LAMA3: variants seen among roughly 807,000 people sequenced by gnomAD.
LAMA3 encodes laminin subunit alpha 3, also known as laminin subunit alpha-3.
Under a neutral mutation model 402.0 loss-of-function variants are expected in LAMA3, and 281 were observed. That is an observed-to-expected ratio of 0.70 (90% CI 0.63 to 0.77). LAMA3 has a LOEUF of 0.77. LAMA3 is among the 30% of genes least tolerant of loss of function. The pLI is 0.00. For synonymous variants in LAMA3, 1,431 were observed against 1,558.4 expected (o/e 0.92, Z 1.93); for missense variants, 3,840 against 4,215.5 (o/e 0.91, Z 2.47).
At chr18:23,838,950 T>A in intron 26 of LAMA3, 72 bp downstream of exon 26, 1 of 913,868 alleles carries the variant, frequency 1.1e-6, no homozygotes, top group South Asian at 1.3e-5. Flanking sequence ...GCTGAAACTT[T>A]ATACTCAACG....
intron 14 of LAMA3, among the ~76,000 whole-genome samples, chr18:23,813,943 A>T (rs1161425925): frequency 6.6e-6 from 1 of 152,214 alleles, no homozygotes; most frequent in Non-Finnish European, 1.5e-5. Flanking sequence ...GGAGTGAAAG[A>T]GGTTCTGCCA....
intron 2 of LAMA3, among the ~76,000 whole-genome samples, chr18:23,733,364 G>A (rs1390017511): frequency 2.6e-5 from 4 of 152,184 alleles, no homozygotes; most frequent in African/African-American, 9.7e-5. Context: ...TGGCTAGGGA[G>A]ACCTCACAAT....
chr18:23,809,968 A>G (rs1418284244), intron 12 of LAMA3, among the ~76,000 whole-genome samples: 1 of 152,212 alleles, frequency 6.6e-6, no homozygotes, highest in Middle Eastern at 3.4e-3. Context: ...TCCTCCTCCT[A>G]CAAATACTGG....
chr18:23,823,130 T>A (rs1261362967), intron 20 of LAMA3, among the ~76,000 whole-genome samples: 1 of 152,184 alleles, frequency 6.6e-6, no homozygotes, highest in East Asian at 1.9e-4. Flanking sequence ...CATTTCCGAG[T>A]TGTGTCAACC....
intron 35 of LAMA3, among the ~76,000 whole-genome samples, chr18:23,862,043 C>T (rs1195766957): frequency 2.6e-5 from 4 of 152,222 alleles, no homozygotes; most frequent in Admixed American, 2.0e-4. Flanking sequence ...AAATCACCCA[C>T]AATGTTTTTC....
At chr18:23,782,148 A>G (rs2062449741) in intron 11 of LAMA3, among the ~76,000 whole-genome samples, 1 of 152,258 alleles carries the variant, frequency 6.6e-6, no homozygotes, top group Admixed American at 6.5e-5. Flanking sequence ...TCCAAAATGC[A>G]TGAGACTTTC....
chr18:23,789,968 A>G (rs1039780152), intron 12 of LAMA3, among the ~76,000 whole-genome samples: 11 of 152,228 alleles, frequency 7.2e-5, no homozygotes, highest in African/African-American at 2.7e-4. Flanking sequence ...TTATGTTTTT[A>G]TAGTGATGAT....
intron 1 of LAMA3, chr18:23,710,262 G>T: frequency 1.8e-6 from 1 of 566,448 alleles, no homozygotes; most frequent in South Asian, 1.9e-5. Context: ...AGGGACAGGA[G>T]CTTCCTTCTT....
chr18:23,698,161 G>A (rs1210806279), intron 1 of LAMA3, among the ~76,000 whole-genome samples: 5 of 140,474 alleles, frequency 3.6e-5, no homozygotes, highest in Admixed American at 3.6e-4. Flanking sequence ...GTGGTGGGGG[G>A]AAATGGAACA....
chr18:23,779,875 C>A (rs1598776760), intron 11 of LAMA3, among the ~76,000 whole-genome samples: 1 of 152,104 alleles, frequency 6.6e-6, no homozygotes, highest in Non-Finnish European at 1.5e-5. Context: ...TCTGCCCTAC[C>A]CACACTCCTC....
Position 23,839,960 on chromosome 18 carries a change from C to CA in LAMA3, c.3336+34dup. ...GTGCTGTTTCTAAACCAGTGGTTCT[C>CA]AAAGTATGACCTCTGAAGCAGCAGC... On this transcript the variant is annotated intron_variant, in intron 27 of 74. Transcript: ENST00000313654. This position sits in a 1 kb window ranked among gnomAD's most constrained non-coding sequence, Gnocchi z 4.5. 6.2e-7 allele frequency: 1 copy of CA among 1,611,546 alleles called. No homozygotes were observed. Among genetic ancestry groups the CA allele is most frequent in the Non-Finnish European group, 8.5e-7 (1 of 1,177,700 alleles).
chr18:23,883,042 A>G (rs757177808), intron 40 of LAMA3, among the ~76,000 whole-genome samples: 2 of 152,234 alleles, frequency 1.3e-5, no homozygotes, highest in African/African-American at 4.8e-5. Flanking sequence ...CTAGACAAGG[A>G]TGAAACAGAA....
rs1599091175 is a variant in LAMA3, at chr18:23,916,704, T to C, written c.7923+9T>C. 2.5e-6 allele frequency: 4 copies of C among 1,613,746 alleles called. No homozygotes were observed. The highest frequency in any genetic ancestry group is 1.6e-4 in the Middle Eastern group (1 of 6,084). On this transcript the variant is annotated intron_variant, in intron 60 of 74. Transcript: ENST00000313654. ...TCTTTGCAGAAAACGGGGTAATCTATAACAAGCATCCAGATACAACCAAAT... is the reference window on the plus strand; with the variant it reads ...TCTTTGCAGAAAACGGGGTAATCTACAACAAGCATCCAGATACAACCAAAT...
At chr18:23,693,530 C>CAAAA (rs34337453) in intron 1 of LAMA3, among the ~76,000 whole-genome samples, 2 of 113,254 alleles carry the variant, frequency 1.8e-5, no homozygotes, top group African/African-American at 6.1e-5. Flanking sequence ...GACTCTGTAT[C>CAAAA]AAAAAAAAAA....
At chr18:23,861,088 A>G (rs1175353937) in intron 34 of LAMA3, among the ~76,000 whole-genome samples, 1 of 152,112 alleles carries the variant, frequency 6.6e-6, no homozygotes, top group African/African-American at 2.4e-5. Flanking sequence ...GGAAAAAAAA[A>G]ATACTTTGTA....
chr18:23,909,564 A>G (rs2081364411), intron 55 of LAMA3, among the ~76,000 whole-genome samples: 1 of 152,210 alleles, frequency 6.6e-6, no homozygotes, highest in African/African-American at 2.4e-5. Context: ...ATTTTCTTCC[A>G]GGCCCCAGTT....
rs998835876 is a variant in LAMA3 at position 23,899,268 on chromosome 18, G to A, written c.5837-20G>A. 1 of 1,605,374 alleles carries A rather than the reference G, an allele frequency of 6.2e-7. No homozygotes were observed. On this transcript the variant is annotated intron_variant, in intron 46 of 74. Transcript: ENST00000313654. ...GGAGCCCAGAATTCCCAGTCTAATA[G>A]ACCACTTGATGTTTCCTAGTTCTTT...
intron 64 of LAMA3, among the ~76,000 whole-genome samples, chr18:23,930,161 A>G (rs1246300722): frequency 6.6e-6 from 1 of 152,228 alleles, no homozygotes; most frequent in Non-Finnish European, 1.5e-5. Flanking sequence ...TACTTGGTAG[A>G]AAAAACACAA....
At chr18:23,741,545 C>G (rs1372679281) in intron 2 of LAMA3, among the ~76,000 whole-genome samples, 3 of 152,120 alleles carry the variant, frequency 2.0e-5, no homozygotes, top group Admixed American at 6.5e-5. Context: ...TGGACACCAA[C>G]CACAAAGTAA....
Sources: gnomAD v4.1 joint callset for allele counts (sites outside exome capture counted in the v4.1 genomes callset) on GRCh38, gnomAD v4.1.1 for gene constraint, Gnocchi (gnomAD v3.1) non-coding constraint, MANE v1.5 for transcripts, NCBI Gene and HGNC (gene_info 2026-07-23, HGNC 2026-07-21) for gene names.